The following LRRC4C variants were observed in gnomAD, a reference collection of about 807,000 sequenced individuals.
LRRC4C encodes the protein leucine rich repeat containing 4C, also known as leucine-rich repeat-containing protein 4C.
LRRC4C carries 5 observed loss-of-function variants against 33.6 expected under a neutral mutation model. The observed-to-expected ratio is 0.15, with a 90% CI of 0.08 to 0.31. The LOEUF (loss-of-function observed/expected upper bound fraction) is 0.31. Ranked by LOEUF, LRRC4C falls within the 10% of genes least tolerant of loss-of-function variation. The pLI, the probability that LRRC4C is intolerant of heterozygous loss-of-function variation, is 1.00. For missense variants in LRRC4C, 560 were observed against 796.7 expected, an observed-to-expected ratio of 0.70 and a Z score of 3.58; for synonymous variants, 329 against 302.0, an observed-to-expected ratio of 1.09 and a Z score of -0.93.
intron 1 of LRRC4C, among the ~76,000 whole-genome samples, chr11:41,275,176 CA>C (rs1328546518): frequency 6.6e-6 from 1 of 152,110 alleles, no homozygotes; most frequent in African/African-American, 2.4e-5. Context: ...GCCGAGCAGG[CA>C]CTGGTGCCAT....
chr11:40,371,174 T>G (rs1247698334), intron 3 of LRRC4C, among the ~76,000 whole-genome samples: 1 of 152,204 alleles, frequency 6.6e-6, no homozygotes, highest in Non-Finnish European at 1.5e-5. Flanking sequence ...GTTTTTACAC[T>G]GTTCACTTTC....
At chr11:41,116,071 G>A (rs1279712591) in intron 1 of LRRC4C, among the ~76,000 whole-genome samples, 1 of 152,016 alleles carries the variant, frequency 6.6e-6, no homozygotes, top group African/African-American at 2.4e-5. Context: ...ATGTCTTTAA[G>A]CTACCATTTA....
chr11:40,599,689 A>G (rs1029064493), intron 3 of LRRC4C, among the ~76,000 whole-genome samples: 13 of 152,212 alleles, frequency 8.5e-5, no homozygotes, highest in Non-Finnish European at 1.8e-4. Flanking sequence ...GATACCTGGC[A>G]TGTAGTAAGT....
chr11:40,726,803 A>G (rs949666137), intron 2 of LRRC4C, among the ~76,000 whole-genome samples: 1 of 152,186 alleles, frequency 6.6e-6, no homozygotes, highest in Non-Finnish European at 1.5e-5. Flanking sequence ...AATAGGAAAA[A>G]AAAAGTCAAA....
rs530619108 is a variant in LRRC4C, at chr11:40,917,377, G to C, written c.-407+16258C>G. 2.0e-5 allele frequency among the ~76,000 whole-genome samples: 3 copies of C among 152,142 alleles called. No homozygotes were observed. The East Asian group carries it at 5.8e-4, about 29-fold the overall frequency. On this transcript the variant is annotated intron_variant, in intron 2 of 6. Transcript: ENST00000528697. ...TTTGTGAATGCTCATCTGTAAAAGG[G>C]GCAGGACCTTCAGCTTCTGCATATA... is the stretch of plus-strand genomic sequence containing the variant.
chr11:40,658,589 T>A (rs1392363090), intron 2 of LRRC4C, among the ~76,000 whole-genome samples: 1 of 152,094 alleles, frequency 6.6e-6, no homozygotes, highest in East Asian at 1.9e-4. Flanking sequence ...GGTGTGGCAA[T>A]CGTTGACTGG....
At chr11:40,963,459 TAAAC>T (rs1206522102) in intron 1 of LRRC4C, among the ~76,000 whole-genome samples, 2 of 151,692 alleles carry the variant, frequency 1.3e-5, no homozygotes, top group African/African-American at 4.8e-5. Flanking sequence ...ACAAATAAAT[TAAAC>T]AACTTCCCAA....
chr11:40,877,014 G>A (rs1039063714), intron 2 of LRRC4C, among the ~76,000 whole-genome samples: 3 of 151,932 alleles, frequency 2.0e-5, no homozygotes, highest in African/African-American at 4.8e-5. Flanking sequence ...AGAAGATGAT[G>A]TGTATGCTCT....
intron 2 of LRRC4C, among the ~76,000 whole-genome samples, chr11:40,673,805 T>C (rs1231597376): frequency 1.3e-5 from 2 of 152,202 alleles, no homozygotes; most frequent in Non-Finnish European, 2.9e-5. Flanking sequence ...TAGCTCCTCA[T>C]TACATGGTTT....
chr11:41,240,646 T>TA (rs1462431778), intron 1 of LRRC4C, among the ~76,000 whole-genome samples: 1 of 152,176 alleles, frequency 6.6e-6, no homozygotes, highest in African/African-American at 2.4e-5. Flanking sequence ...AGTGGATTCT[T>TA]AATTGATTCT....
chr11:40,382,236 C>A (rs1308866948), intron 3 of LRRC4C, among the ~76,000 whole-genome samples: 1 of 149,526 alleles, frequency 6.7e-6, no homozygotes, highest in Non-Finnish European at 1.5e-5. Context: ...CCCGCCTGGG[C>A]CTCCCAAAGG....
At position 40,732,260 on chromosome 11, in the gene LRRC4C, C is replaced by A. The variant is rs79843428; in HGVS notation, c.-406-83982G>T. Among the ~76,000 whole-genome samples, 1,006 of 152,236 alleles carry A rather than the reference C, an allele frequency of 6.6e-3. 14 individuals carry two copies. The highest frequency in any genetic ancestry group is 0.023 in the African/African-American group (962 of 41,548). On this transcript the variant is annotated intron_variant, in intron 2 of 6. Transcript: ENST00000528697. ...CAACAGAAAAGAAAGAATCTTCCAG[C>A]TAACTCAAATTGTAGCTTACTCAAG... is the stretch of plus-strand genomic sequence containing the variant.
chr11:40,447,060 G>A (rs954115038), intron 3 of LRRC4C: 11 of 161,842 alleles, frequency 6.8e-5, no homozygotes, highest in South Asian at 1.8e-4. Flanking sequence ...CAGGTCTCCA[G>A]CATTATGTCC....
At chr11:40,880,918 G>A (rs572087968) in intron 2 of LRRC4C, among the ~76,000 whole-genome samples, 61 of 151,066 alleles carry the variant, frequency 4.0e-4, no homozygotes, top group African/African-American at 1.4e-3. Flanking sequence ...AAATCAAGGA[G>A]CCCTGAATTC....
chr11:40,419,666 G>A (rs1375572068), intron 3 of LRRC4C, among the ~76,000 whole-genome samples: 1 of 152,194 alleles, frequency 6.6e-6, no homozygotes, highest in Non-Finnish European at 1.5e-5. Flanking sequence ...AGTTCTTTGT[G>A]CTGAATAAAA....
At chr11:41,207,462 T>C (rs1248591704) in intron 1 of LRRC4C, among the ~76,000 whole-genome samples, 2 of 152,166 alleles carry the variant, frequency 1.3e-5, no homozygotes, top group Non-Finnish European at 2.9e-5. Flanking sequence ...TTTATGGAGA[T>C]AATGGCTTTA....
At chr11:40,637,123 T>A (rs1425354577) in intron 3 of LRRC4C, among the ~76,000 whole-genome samples, 1 of 152,254 alleles carries the variant, frequency 6.6e-6, no homozygotes. Context: ...AGGAACATTT[T>A]AAAAGTGCCT....
At chr11:40,827,005 T>C (rs1385798458) in intron 2 of LRRC4C, among the ~76,000 whole-genome samples, 2 of 151,982 alleles carry the variant, frequency 1.3e-5, no homozygotes, top group Non-Finnish European at 2.9e-5. Flanking sequence ...TAATATCTTT[T>C]GATAACGTAC....
intron 3 of LRRC4C, among the ~76,000 whole-genome samples, chr11:40,455,122 CAAAATCACACCAGGTGA>C (rs1234579853): frequency 2.0e-5 from 3 of 152,088 alleles, no homozygotes; most frequent in Non-Finnish European, 4.4e-5. Flanking sequence ...AAGTGAGCGC[CAAAATCACACCAGGTGA>C]AAAATCACAC....
Sources: gnomAD v4.1 joint callset for allele counts (sites outside exome capture counted in the v4.1 genomes callset) on GRCh38, gnomAD v4.1.1 for gene constraint, MANE v1.5 for transcripts, NCBI Gene and HGNC (gene_info 2026-07-23, HGNC 2026-07-21) for gene names.